The following FMO4 variants were observed in gnomAD, a reference collection of about 807,000 sequenced individuals.
The protein encoded by FMO4 is dimethylaniline monooxygenase [N-oxide-forming] 4.
In FMO4, 38 loss-of-function variants were observed where a neutral mutation model predicts 43.3. The observed-to-expected ratio is 0.88, with a 90% CI of 0.68 to 1.15. The LOEUF is 1.15. Ranked by LOEUF, FMO4 falls within the 50% of genes most tolerant of loss-of-function variation. FMO4 has a pLI of 0.00. For missense variants in FMO4, 631 were observed against 663.3 expected, an observed-to-expected ratio of 0.95 and a Z score of 0.54; for synonymous variants, 224 against 232.2, an observed-to-expected ratio of 0.96 and a Z score of 0.32.
At chr1:171,320,929 C>T (rs1046488757) in intron 3 of FMO4, among the ~76,000 whole-genome samples, 3 of 152,024 alleles carry the variant, frequency 2.0e-5, no homozygotes, top group Non-Finnish European at 4.4e-5. Flanking sequence ...GAGAGAGAAG[C>T]CTTCATAGAA....
Position 171,324,256 on chromosome 1 carries a change from C to A in FMO4, c.440C>A (p.Thr147Asn). Residue 147 changes from threonine to asparagine, a missense_variant, in exon 5 of 10, where the codon ACT becomes AAT. By Grantham distance (65) the Thr-to-Asn change is moderately conservative (BLOSUM62 0). Transcript: ENST00000367749. ...GTCTTTGATGCTGTTATGGTTTGCA[C>A]TGGACATTTCCTGAATCCCCATTTA... is the stretch of plus-strand genomic sequence containing the variant. ...RAVFDAVMVC[T>N]GHFLNPHLPL... The A allele has an allele frequency of 6.2e-7, 1 of 1,612,446 alleles. No individual in the cohort carries two copies. Among genetic ancestry groups the A allele is most frequent in the African/African-American group, 1.3e-5 (1 of 74,964 alleles).
chr1:171,324,715 T>C (rs898856301), intron 5 of FMO4, among the ~76,000 whole-genome samples: 1 of 151,988 alleles, frequency 6.6e-6, no homozygotes, highest in South Asian at 2.1e-4. Context: ...AAATTAAACA[T>C]GTAAAGCAAT....
intron 7 of FMO4, 34 bp downstream of exon 7, chr1:171,332,942 T>A (rs1022617392): frequency 1.1e-6 from 1 of 937,550 alleles, no homozygotes; most frequent in Non-Finnish European, 1.7e-6. Context: ...GAAAAAATAT[T>A]AAATCAATAT....
chr1:171,318,970 G>A (rs1267713029), intron 2 of FMO4, among the ~76,000 whole-genome samples: 1 of 152,208 alleles, frequency 6.6e-6, no homozygotes, highest in African/African-American at 2.4e-5. Flanking sequence ...TGGCCCCACA[G>A]TAGGATCTAG....
At chr1:171,319,726 CAT>C in intron 2 of FMO4, 90 bp from the exon 3 acceptor site, 1 of 1,034,774 alleles carries the variant, frequency 9.7e-7, no homozygotes, top group Non-Finnish European at 1.4e-6. Flanking sequence ...GAAAAAAAGG[CAT>C]ATATAGCACT....
chr1:171,324,478 CTTAT>C (rs1662578851), intron 5 of FMO4, among the ~76,000 whole-genome samples, 178 bp downstream of exon 5: 1 of 152,084 alleles, frequency 6.6e-6, no homozygotes, highest in Admixed American at 6.5e-5. Context: ...GGTGTCAGGT[CTTAT>C]TTATTTATTA....
chr1:171,326,592 G>A (rs565142202), intron 5 of FMO4, among the ~76,000 whole-genome samples: 1 of 152,334 alleles, frequency 6.6e-6, no homozygotes, highest in Admixed American at 6.5e-5. Flanking sequence ...TGTTTGACAG[G>A]AACTCTCATT....
chr1:171,339,607 C>CAG (rs1421014323), intron 9 of FMO4, among the ~76,000 whole-genome samples: 2 of 152,110 alleles, frequency 1.3e-5, no homozygotes, highest in Non-Finnish European at 2.9e-5. Context: ...GATGAACTTG[C>CAG]AAACTAAGAT....
intron 5 of FMO4, among the ~76,000 whole-genome samples, chr1:171,330,062 T>C (rs1662835114): frequency 6.6e-6 from 1 of 152,264 alleles, no homozygotes. Context: ...CTTATGTTTT[T>C]AACAAGGCAG....
chr1:171,335,438 A>G (rs559550352), intron 8 of FMO4, among the ~76,000 whole-genome samples: 11 of 152,318 alleles, frequency 7.2e-5, no homozygotes, highest in African/African-American at 2.6e-4. Context: ...TTCTCTGACC[A>G]TTGCTATTGC....
Position 171,337,392 on chromosome 1 carries a change from T to C in FMO4, c.1217T>C (p.Met406Thr). Residue 406 changes from methionine (M) to threonine (T), a missense_variant, in exon 9 of 10, where the codon ATG (methionine) becomes ACG (threonine). Physicochemically the swap from Met to Thr is moderately conservative, Grantham distance 81. Transcript: ENST00000367749. ...CKIPPSQKLM[M>T]EATEKEQLIK... ...ATACCTCCATCCCAAAAATTGATGA[T>C]GGAGGCTACTGAAAAGGAACAGCTC... The C allele has an allele frequency of 6.2e-7, 1 of 1,613,068 alleles. No individual in the cohort carries two copies. Among genetic ancestry groups the C allele is most frequent in the Non-Finnish European group, 8.5e-7 (1 of 1,179,146 alleles).
chr1:171,320,106 G>A, intron 3 of FMO4, 149 bp downstream of exon 3: 1 of 835,432 alleles, frequency 1.2e-6, no homozygotes, highest in Non-Finnish European at 1.9e-6. Flanking sequence ...TAAACATTAG[G>A]CAGGATGCAG....
intron 3 of FMO4, 58 bp from the exon 4 acceptor site, chr1:171,322,946 T>G: frequency 7.5e-7 from 1 of 1,326,960 alleles, no homozygotes; most frequent in Non-Finnish European, 1.1e-6. Flanking sequence ...CACCATGATC[T>G]CTGTTCTCTT....
intron 8 of FMO4, among the ~76,000 whole-genome samples, chr1:171,335,053 A>C (rs926700316): frequency 6.6e-6 from 1 of 152,224 alleles, no homozygotes; most frequent in African/African-American, 2.4e-5. Context: ...AGCCTAGTCT[A>C]ATCTATCTAC....
chr1:171,328,561 A>T (rs1662765034), intron 5 of FMO4, among the ~76,000 whole-genome samples: 2 of 152,010 alleles, frequency 1.3e-5, no homozygotes, highest in South Asian at 4.2e-4. Flanking sequence ...GAGGCAGGAG[A>T]ATTACTTGAA....
intron 8 of FMO4, among the ~76,000 whole-genome samples, chr1:171,337,075 T>A (rs1431993004): frequency 6.6e-6 from 1 of 152,086 alleles, no homozygotes; most frequent in African/African-American, 2.4e-5. Context: ...GCAGGCCAAC[T>A]GGCACAGGTG....
At chr1:171,340,000 G>A (rs1195482239) in intron 9 of FMO4, among the ~76,000 whole-genome samples, 1 of 152,178 alleles carries the variant, frequency 6.6e-6, no homozygotes, top group Non-Finnish European at 1.5e-5. Flanking sequence ...AAAAGGAACA[G>A]TGTGGTTTGG....
At chr1:171,318,637 T>C (rs1662286854) in intron 2 of FMO4, among the ~76,000 whole-genome samples, 1 of 143,116 alleles carries the variant, frequency 7.0e-6, no homozygotes, top group Non-Finnish European at 1.6e-5. Context: ...TTCATGTCAG[T>C]ATTCAAAAAG....
At chr1:171,326,538 G>T (rs1456276281) in intron 5 of FMO4, among the ~76,000 whole-genome samples, 5 of 152,204 alleles carry the variant, frequency 3.3e-5, no homozygotes, top group Non-Finnish European at 5.9e-5. Context: ...TTACAAGCAG[G>T]TTTCTGAAGG....
Sources: gnomAD v4.1 joint callset for allele counts (sites outside exome capture counted in the v4.1 genomes callset) on GRCh38, gnomAD v4.1.1 for gene constraint, MANE v1.5 for transcripts, NCBI Gene and HGNC (gene_info 2026-07-23, HGNC 2026-07-21) for gene names.